AGBL4: variants seen among roughly 807,000 people sequenced by gnomAD.
The protein encoded by AGBL4 is cytosolic carboxypeptidase 6.
In AGBL4, 58 loss-of-function variants were observed where a neutral mutation model predicts 66.4. The observed-to-expected ratio is 0.87, with a 90% CI of 0.71 to 1.09. The LOEUF is 1.09. Among genes scored for constraint, AGBL4 ranks in the 50% least tolerant of loss-of-function variants. The pLI, the probability that AGBL4 is intolerant of heterozygous loss-of-function variation, is 0.00. For missense variants in AGBL4, 579 were observed against 631.0 expected (o/e 0.92, Z 0.88); for synonymous variants, 234 against 222.9 (o/e 1.05, Z -0.44).
In AGBL4 at chr1:49,133,801, T is replaced by A. The variant is rs190737287; in HGVS notation, c.378-88001A>T. Among the ~76,000 whole-genome samples, 6 of 152,234 alleles carry A rather than the reference T, an allele frequency of 3.9e-5. No homozygotes were observed. In the East Asian group the frequency reaches 1.2e-3, roughly 29 times the overall value. ...TATTTGTTGCTGAGATAATAGGTGA[T>A]GTATAAGAGCAATACTTAGAAACAA... On this transcript the variant is annotated intron_variant, in intron 4 of 13. Transcript: ENST00000371839.
At chr1:49,635,209 T>G (rs1269358408) in intron 3 of AGBL4, among the ~76,000 whole-genome samples, 2 of 152,216 alleles carry the variant, frequency 1.3e-5, no homozygotes, top group Non-Finnish European at 2.9e-5. Context: ...TGTCTCTCTT[T>G]TAATTCATAC....
intron 3 of AGBL4, among the ~76,000 whole-genome samples, chr1:49,298,997 T>C (rs1221719357): frequency 6.6e-6 from 1 of 152,138 alleles, no homozygotes; most frequent in African/African-American, 2.4e-5. Flanking sequence ...AGACAAACAA[T>C]GGATACAACA....
At chr1:49,692,490 G>A (rs569407661) in intron 3 of AGBL4, among the ~76,000 whole-genome samples, 23 of 152,156 alleles carry the variant, frequency 1.5e-4, no homozygotes, top group African/African-American at 3.6e-4. Flanking sequence ...AGGCTGAGGC[G>A]GGTGGATCAC....
chr1:49,925,725 G>A (rs12125751), intron 1 of AGBL4, among the ~76,000 whole-genome samples: 4,643 of 152,296 alleles, frequency 0.03, 109 homozygotes, highest in Non-Finnish European at 0.043. Context: ...AAGTGAAATT[G>A]GCAGTGCCCT....
intron 1 of AGBL4, among the ~76,000 whole-genome samples, chr1:50,013,309 G>A (rs964965337): frequency 6.6e-6 from 1 of 152,150 alleles, no homozygotes; most frequent in African/African-American, 2.4e-5. Context: ...ATAGGGGAAA[G>A]TTTCTCTCGT....
chr1:50,019,302 T>TCA lies in AGBL4; in HGVS notation c.34+4460_34+4461insTG, dbSNP rs1293363873. ...CTCTCTCTCTCTCTCTCTCTCTCTCTCTCTCACACACACACACACACACAC... is the reference window on the plus strand; with the variant it reads ...CTCTCTCTCTCTCTCTCTCTCTCTCTCACTCTCACACACACACACACACACAC... On this transcript the variant is annotated intron_variant, in intron 1 of 13. Transcript: ENST00000371839. Among the ~76,000 whole-genome samples the TCA allele has an allele frequency of 3.4e-3, 240 of 70,784 alleles. 1 individual carries two copies. The highest frequency in any genetic ancestry group is 4.1e-3 in the Non-Finnish European group (144 of 35,234). The allele number at this position is 70,784 out of a possible 152,430, so 46.4% of individuals were successfully genotyped here.
At chr1:48,846,303 G>T (rs879288945) in intron 6 of AGBL4, among the ~76,000 whole-genome samples, 6 of 149,568 alleles carry the variant, frequency 4.0e-5, no homozygotes, top group Admixed American at 6.7e-5. Context: ...AAGATAGATA[G>T]ATAGATAGAC....
chr1:48,726,877 T>C (rs1314168436), intron 6 of AGBL4, among the ~76,000 whole-genome samples: 1 of 152,234 alleles, frequency 6.6e-6, no homozygotes, highest in African/African-American at 2.4e-5. Context: ...ATCTCCTTTT[T>C]GTGAAATAGA....
At chr1:49,055,809 A>G (rs1191297980) in intron 4 of AGBL4, among the ~76,000 whole-genome samples, 2 of 152,202 alleles carry the variant, frequency 1.3e-5, no homozygotes, top group South Asian at 4.1e-4. Context: ...TTTTAAAACT[A>G]GATTTTGAAA....
At chr1:48,751,728 TG>T (rs1394849722) in intron 6 of AGBL4, among the ~76,000 whole-genome samples, 1 of 152,006 alleles carries the variant, frequency 6.6e-6, no homozygotes, top group Non-Finnish European at 1.5e-5. Context: ...ATTCTGACAA[TG>T]GGGAAAAGCC....
intron 3 of AGBL4, among the ~76,000 whole-genome samples, chr1:49,268,506 C>T (rs1254099714): frequency 6.6e-6 from 1 of 151,092 alleles, no homozygotes; most frequent in African/African-American, 2.4e-5. Context: ...GATCATGGCT[C>T]ATGCAGCTTT....
chr1:49,331,439 C>T (rs1645332263), intron 3 of AGBL4, among the ~76,000 whole-genome samples: 1 of 152,158 alleles, frequency 6.6e-6, no homozygotes, highest in Admixed American at 6.5e-5. Context: ...TCTGTTTGGA[C>T]GACTCAGCCA....
At chr1:48,969,689 G>T (rs527480341) in intron 5 of AGBL4, among the ~76,000 whole-genome samples, 1 of 151,874 alleles carries the variant, frequency 6.6e-6, no homozygotes. Context: ...GACATGAGGT[G>T]CCCCAAACAT....
intron 1 of AGBL4, among the ~76,000 whole-genome samples, chr1:49,982,600 G>A (rs1659148217): frequency 1.3e-5 from 2 of 152,216 alleles, no homozygotes; most frequent in South Asian, 4.1e-4. Flanking sequence ...AAGCTGGGGA[G>A]GGCCTGAAGC....
chr1:48,802,510 C>T (rs936839263), intron 6 of AGBL4, among the ~76,000 whole-genome samples: 4 of 152,168 alleles, frequency 2.6e-5, no homozygotes, highest in African/African-American at 7.2e-5. Context: ...GGACCTGGTA[C>T]ATTGGAAGCT....
chr1:48,634,521 T>A lies in AGBL4; in HGVS notation c.923A>T (p.Gln308Leu). 1 of 1,604,988 alleles carries A rather than the reference T, an allele frequency of 6.2e-7. No homozygotes were observed. The highest frequency in any genetic ancestry group is 8.5e-7 in the Non-Finnish European group (1 of 1,175,660). ...WVHPTLHGVK[Q>L]LIVQMYNDPK... ...GTCGTTGTACATCTGGACGATGAGTTGTTTCACTCCATGCAGGGTAGGATG... is the reference window on the plus strand; with the variant it reads ...GTCGTTGTACATCTGGACGATGAGTAGTTTCACTCCATGCAGGGTAGGATG... The change falls in exon 9 of 14, where the codon CAA (glutamine) becomes CTA (leucine). Residue 308 changes from glutamine (Q) to leucine (L), a missense_variant. Physicochemically the swap from Gln to Leu is moderately radical, Grantham distance 113 (BLOSUM62 -2). Coordinates refer to ENST00000371839, the MANE Select transcript of AGBL4 (RefSeq NM_032785.4).
chr1:49,285,283 C>T (rs1418000383), intron 3 of AGBL4, among the ~76,000 whole-genome samples: 2 of 152,008 alleles, frequency 1.3e-5, no homozygotes, highest in East Asian at 1.9e-4. Context: ...GGATACATAA[C>T]GAAATGAAGG....
At chr1:49,236,193 C>T (rs1358451230) in intron 4 of AGBL4, among the ~76,000 whole-genome samples, 3 of 151,888 alleles carry the variant, frequency 2.0e-5, no homozygotes, top group African/African-American at 7.3e-5. Flanking sequence ...CCATGCCTGG[C>T]TAATTTTTTT....
chr1:49,169,697 G>A (rs773890178), intron 4 of AGBL4, among the ~76,000 whole-genome samples: 3 of 152,070 alleles, frequency 2.0e-5, no homozygotes, highest in Non-Finnish European at 2.9e-5. Flanking sequence ...TCTATGTGCC[G>A]GGCACCATCT....
Sources: gnomAD v4.1 joint callset for allele counts (sites outside exome capture counted in the v4.1 genomes callset) on GRCh38, gnomAD v4.1.1 for gene constraint, MANE v1.5 for transcripts, NCBI Gene and HGNC (gene_info 2026-07-23, HGNC 2026-07-21) for gene names.